Variants in GNAS observed in about 807,000 individuals in gnomAD.
GNAS encodes the protein GNAS complex locus.
GNAS carries 8 observed loss-of-function variants against 54.5 expected under a neutral mutation model. The ratio of observed to expected loss-of-function variants is 0.15; its 90% CI spans 0.09 to 0.26. The LOEUF (loss-of-function observed/expected upper bound fraction) is 0.26, where lower values mean the gene tolerates loss of function less well. GNAS is among the 10% of genes least tolerant of loss of function. The pLI is 1.00. For synonymous variants in GNAS, 204 were observed against 191.4 expected, an observed-to-expected ratio of 1.07 and a Z score of -0.54; for missense variants, 170 against 529.8, an observed-to-expected ratio of 0.32 and a Z score of 6.67.
intron 1 of GNAS, among the ~76,000 whole-genome samples, chr20:58,893,275 T>C (rs535660846): frequency 2.6e-5 from 4 of 152,052 alleles, no homozygotes; most frequent in Non-Finnish European, 5.9e-5. Context: ...TAAAAAAAGG[T>C]TAACTATAAG....
chr20:58,882,530 G>A (rs1168726901), intron 1 of GNAS, among the ~76,000 whole-genome samples: 4 of 152,156 alleles, frequency 2.6e-5, no homozygotes, highest in Non-Finnish European at 4.4e-5. Flanking sequence ...AATTTCAGCC[G>A]AGCTGGGCAA....
chr20:58,893,260 T>C (rs891196933), intron 1 of GNAS, among the ~76,000 whole-genome samples: 15 of 149,636 alleles, frequency 1.0e-4, no homozygotes, highest in African/African-American at 3.5e-4. Flanking sequence ...AAAATAATAA[T>C]AAAATAAAAA....
At chr20:58,852,743 T>G (rs2086231640) in intron 1 of GNAS, 3 of 210,408 alleles carry the variant, frequency 1.4e-5, no homozygotes, top group African/African-American at 2.3e-5. Flanking sequence ...GGGAGAGGAG[T>G]GGAAGGAGCC....
intron 1 of GNAS, among the ~76,000 whole-genome samples, chr20:58,851,991 C>A (rs1459802826): frequency 1.3e-5 from 2 of 152,148 alleles, no homozygotes; most frequent in African/African-American, 4.8e-5. Flanking sequence ...CACCCTAAAC[C>A]GGCATTAAAC....
upstream of GNAS, among the ~76,000 whole-genome samples, chr20:58,887,801 C>T (rs1015212592): frequency 6.6e-6 from 1 of 152,132 alleles, no homozygotes; most frequent in Non-Finnish European, 1.5e-5. Flanking sequence ...GACTTTGAAT[C>T]GCCCTCTGTT....
rs1555889031 is a variant in GNAS, at chr20:58,903,708, G to C, written c.349G>C (p.Val117Leu). ...VAAMSNLVPPVELANPENQFR... is the reference protein window; with the variant it reads ...VAAMSNLVPPLELANPENQFR... Reference sequence around the variant, plus strand: ...CGCCATGAGCAACCTGGTGCCCCCCGTGGAGCTGGCCAACCCCGAGAACCA... The same window carrying C: ...CGCCATGAGCAACCTGGTGCCCCCCCTGGAGCTGGCCAACCCCGAGAACCA... The change falls in exon 5 of 13, where the codon GTG becomes CTG. Residue 117 changes from valine (V) to leucine (L), a missense_variant. Val to Leu is a conservative substitution (Grantham distance 32). Transcript: ENST00000371085. 2 of 1,613,880 alleles carry C rather than the reference G, an allele frequency of 1.2e-6. No homozygotes were observed. Among genetic ancestry groups the C allele is most frequent in the Non-Finnish European group, 1.7e-6 (2 of 1,179,876 alleles).
rs555323536 is a variant in GNAS, at chr20:58,894,250, T to C, written c.140-1362T>C. Among the ~76,000 whole-genome samples the C allele has an allele frequency of 3.9e-5, 6 of 152,364 alleles. No homozygotes were observed. In the South Asian group the frequency reaches 8.3e-4, roughly 21 times the overall value. Reference sequence around the variant, plus strand: ...GATAGGTCCTGTAACTGTTACACAGTTTAACACTTCTGAAATTAGAATATT... The same window carrying C: ...GATAGGTCCTGTAACTGTTACACAGCTTAACACTTCTGAAATTAGAATATT... On this transcript the variant is annotated intron_variant, in intron 1 of 12. Transcript: ENST00000371085.
Position 58,853,481 on chromosome 20 carries a change from G to A in GNAS, c.43+12595G>A, listed in dbSNP as rs1292962348. The A allele has an allele frequency of 6.2e-7, 1 of 1,612,930 alleles. No homozygotes were observed. On this transcript the variant is annotated intron_variant, in intron 1 of 12. Coordinates refer to the GNAS transcript ENST00000306090. The surrounding 1 kb of genome is among the most constrained non-coding windows in gnomAD (Gnocchi z 4.4). Reference sequence around the variant, plus strand: ...ATGGCGAGGCCTGTGGACCCCCAGAGGTCTCCAGACCCAACTTTCAGGTCC... The same window carrying A: ...ATGGCGAGGCCTGTGGACCCCCAGAAGTCTCCAGACCCAACTTTCAGGTCC...
chr20:58,842,714 G>C (rs1233256735), intron 1 of GNAS, among the ~76,000 whole-genome samples: 2 of 152,200 alleles, frequency 1.3e-5, no homozygotes, highest in Non-Finnish European at 2.9e-5. Context: ...GGCTTTCTGT[G>C]ACATTAAGTG....
chr20:58,911,038 A>G lies in GNAS; in HGVS notation c.*209A>G. The G allele has an allele frequency of 1.5e-6, 1 of 680,286 alleles. No individual in the cohort carries two copies. The highest frequency in any genetic ancestry group is 2.7e-6 in the Non-Finnish European group (1 of 373,508). The allele number at this position is 680,286 out of a possible 1,614,324, so 42.1% of individuals were successfully genotyped here. ...GCTTAAGGCGGCCTACAGAAAAAGG[A>G]AAAAAGGCCACAAAAGTTCCCTCTC... On this transcript the variant is annotated 3_prime_UTR_variant, in exon 13 of 13. Transcript: ENST00000371085.
upstream of GNAS, chr20:58,890,680 G>A (rs1282276038): frequency 6.6e-6 from 1 of 152,028 alleles, no homozygotes; most frequent in African/African-American, 2.4e-5. Flanking sequence ...GGGGCCAGAG[G>A]CGCCTTCGGC....
At chr20:58,881,291 G>A (rs2088205102) in intron 1 of GNAS, among the ~76,000 whole-genome samples, 1 of 152,144 alleles carries the variant, frequency 6.6e-6, no homozygotes, top group African/African-American at 2.4e-5. Flanking sequence ...AAGGAGTGGT[G>A]CTTTAACTTA....
intron 1 of GNAS, among the ~76,000 whole-genome samples, chr20:58,858,931 T>C (rs2086636428): frequency 6.6e-6 from 1 of 152,212 alleles, no homozygotes; most frequent in Admixed American, 6.5e-5. Context: ...TTTTCTCTTT[T>C]CAGTCTCCTA....
In GNAS at chr20:58,853,886, T is replaced by G; in HGVS notation, c.43+13000T>G. ...CCGAGGAGCCCCAAGCCCTCAGGCC[T>G]GCAAAGGCTGGCTCCAGAGGAGGCT... On this transcript the variant is annotated intron_variant, in intron 1 of 12. Coordinates refer to the GNAS transcript ENST00000306090. The surrounding 1 kb of genome is among the most constrained non-coding windows in gnomAD (Gnocchi z 4.4). The G allele has an allele frequency of 6.3e-7, 1 of 1,599,104 alleles. No individual in the cohort carries two copies. The highest frequency in any genetic ancestry group is 2.3e-5 in the East Asian group (1 of 44,150).
rs2086578412 is a variant in GNAS at position 58,857,718 on chromosome 20, A to G, written c.43+16832A>G. Among the ~76,000 whole-genome samples the G allele has an allele frequency of 6.6e-6, 1 of 152,200 alleles. No individual in the cohort carries two copies. Among genetic ancestry groups the G allele is most frequent in the Non-Finnish European group, 1.5e-5 (1 of 68,024 alleles). ...TACATCAGGACTGGAGACTTATACC[A>G]TAGATTGTGCAGCCATCAATCCTGC... is the stretch of plus-strand genomic sequence containing the variant. On this transcript the variant is annotated intron_variant, in intron 1 of 12. Transcript: ENST00000306090. The surrounding 1 kb of genome is among the most constrained non-coding windows in gnomAD (Gnocchi z 4.1).
intron 1 of GNAS, among the ~76,000 whole-genome samples, chr20:58,852,448 C>A (rs1338525711): frequency 3.3e-5 from 5 of 152,214 alleles, no homozygotes; most frequent in African/African-American, 9.6e-5. Flanking sequence ...CGCGTGCCTG[C>A]GCCCCTTCCC....
Position 58,903,592 on chromosome 20 carries a change from G to C in GNAS, c.312+7G>C, listed in dbSNP as rs771111377. On this transcript the variant is annotated splice_region_variant and intron_variant, in intron 4 of 12. Transcript: ENST00000371085. ...CCTGAAAGAGGCGATTGAAGTACGT[G>C]CTGGCTCCTTGTGCTGTCTGTCTTG... 12 of 1,614,058 alleles carry C rather than the reference G, an allele frequency of 7.4e-6. No homozygotes were observed. Among genetic ancestry groups the C allele is most frequent in the Non-Finnish European group, 1.0e-5 (12 of 1,179,942 alleles).
At chr20:58,864,108 G>A (rs1001469483) in intron 1 of GNAS, 9 of 152,030 alleles carry the variant, frequency 5.9e-5, no homozygotes, top group African/African-American at 1.9e-4. Context: ...AGTAGCTGGT[G>A]GTCCAGTTGA....
intron 3 of GNAS, chr20:58,903,298 T>G: frequency 1.6e-6 from 1 of 623,112 alleles, no homozygotes. Context: ...CAGTCATGAT[T>G]GCTAAGGCAA....
Sources: allele counts gnomAD v4.1 joint callset (sites outside exome capture counted in the v4.1 genomes callset), GRCh38; gene constraint gnomAD v4.1.1; non-coding constraint Gnocchi (gnomAD v3.1); transcripts MANE v1.5; gene names NCBI Gene and HGNC (gene_info 2026-07-23, HGNC 2026-07-21).